Variants in NEK1 observed in about 807,000 individuals in gnomAD.
NEK1 encodes NIMA related kinase 1, also known as serine/threonine-protein kinase Nek1.
In NEK1, 137 loss-of-function variants were observed where a neutral mutation model predicts 182.1. The ratio of observed to expected loss-of-function variants is 0.75; its 90% confidence interval spans 0.65 to 0.87. The LOEUF is 0.87. NEK1 is among the 40% of genes least tolerant of loss of function. NEK1 has a pLI of 0.00. For synonymous variants in NEK1, 513 were observed against 492.2 expected (o/e 1.04, Z -0.56); for missense variants, 1,391 against 1,494.4 (o/e 0.93, Z 1.14).
chr4:169,507,315 T>C (rs1201368255), intron 22 of NEK1, among the ~76,000 whole-genome samples, 183 bp from the exon 23 acceptor site: 1 of 151,242 alleles, frequency 6.6e-6, no homozygotes, highest in African/African-American at 2.4e-5. Flanking sequence ...AGCCTTGACA[T>C]ACAGCAGGTG....
chr4:169,587,549 T>C lies in NEK1; in HGVS notation c.606+10A>G, dbSNP rs945839490. On this transcript the variant is annotated intron_variant, in intron 9 of 35. Transcript: ENST00000507142. ...ATAACTTTGAAAGTATTTCAGAAAC[T>C]TCTACTTACAGCATGTTTAAGTGTA... is the stretch of plus-strand genomic sequence containing the variant. The C allele has an allele frequency of 2.5e-5, 36 of 1,440,390 alleles. No individual in the cohort carries two copies. The highest frequency in any genetic ancestry group is 3.3e-5 in the Non-Finnish European group (35 of 1,068,282). 89.2% of individuals were successfully genotyped at this position (1,440,390 alleles called of 1,614,324 possible). A position where few individuals can be genotyped will look rare whatever the true frequency, so the allele number is the denominator to read the frequency against.
At chr4:169,566,147 T>A (rs541240396) in intron 12 of NEK1, among the ~76,000 whole-genome samples, 12 of 152,242 alleles carry the variant, frequency 7.9e-5, no homozygotes, top group South Asian at 2.1e-4. Context: ...TTTAAAAACA[T>A]TAATACAGCA....
intron 23 of NEK1, among the ~76,000 whole-genome samples, chr4:169,483,268 C>A (rs1748428684): frequency 6.6e-6 from 1 of 151,980 alleles, no homozygotes; most frequent in African/African-American, 2.4e-5. Context: ...GTCTGTGGTG[C>A]CTCAGAACAA....
intron 29 of NEK1, among the ~76,000 whole-genome samples, chr4:169,430,405 G>A (rs1174668587): frequency 1.3e-5 from 2 of 152,108 alleles, no homozygotes; most frequent in African/African-American, 2.4e-5. Context: ...CACTGGTCTC[G>A]AACTCCTGGC....
chr4:169,449,253 CAAT>C (rs1031335290), intron 27 of NEK1, among the ~76,000 whole-genome samples: 22 of 152,116 alleles, frequency 1.4e-4, no homozygotes, highest in African/African-American at 4.1e-4. Context: ...AGGCAGCAGA[CAAT>C]TTCTGCAGAC....
Position 169,406,741 on chromosome 4 carries a change from T to C in NEK1, c.3229A>G (p.Arg1077Gly). The C allele has an allele frequency of 6.4e-7, 1 of 1,573,450 alleles. No individual in the cohort carries two copies. Among genetic ancestry groups the C allele is most frequent in the South Asian group, 1.3e-5 (1 of 79,990 alleles). ...LFDANNPKML[R>G]TCSLPDLSKL... ...GAGAGATCTGGAAGTGAACATGTCC[T>C]TAACATCTAAAATAAAAATCAACAA... The change falls in exon 32 of 36, where the codon AGG (arginine) becomes GGG (glycine). Residue 1077 changes from arginine to glycine, a missense_variant. By Grantham distance (125) the Arg-to-Gly change is moderately radical (BLOSUM62 -2). Coordinates refer to ENST00000507142, the MANE Select transcript of NEK1 (RefSeq NM_001199397.3).
chr4:169,446,512 C>T (rs1310263641), intron 27 of NEK1, among the ~76,000 whole-genome samples: 1 of 152,076 alleles, frequency 6.6e-6, no homozygotes, highest in Non-Finnish European at 1.5e-5. Flanking sequence ...CCGATGAACA[C>T]CCATAACATC....
chr4:169,562,277 A>G (rs1266066130), intron 12 of NEK1, 81 bp from the exon 13 acceptor site: 22 of 978,080 alleles, frequency 2.2e-5, no homozygotes, highest in Non-Finnish European at 3.2e-5. Context: ...GAAATTTAAG[A>G]TAAGAAAAAG....
chr4:169,452,293 A>G (rs941831958), intron 27 of NEK1, among the ~76,000 whole-genome samples: 19 of 152,214 alleles, frequency 1.2e-4, no homozygotes, highest in Non-Finnish European at 1.5e-4. Flanking sequence ...ATAGAAAAAG[A>G]GGGAATCCTC....
rs953992035 is a variant in NEK1 at position 169,515,497 on chromosome 4, CTTCTTTTT to C, written c.1666-6653_1666-6646del. 3.4e-3 allele frequency among the ~76,000 whole-genome samples: 450 copies of C among 131,376 alleles called. 1 individual carries two copies. Among genetic ancestry groups the C allele is most frequent in the African/African-American group, 0.013 (419 of 31,738 alleles). 86.2% of individuals were successfully genotyped at this position (131,376 alleles called of 152,430 possible). A position where few individuals can be genotyped will look rare whatever the true frequency, so the allele number is the denominator to read the frequency against. On this transcript the variant is annotated intron_variant, in intron 19 of 35. Transcript: ENST00000507142. ...GTATACATATTTAGGATTGCAATAA[CTTCTTTTT>C]TTTTTTTTTATTATACTCTAAGTTT... is the stretch of plus-strand genomic sequence containing the variant.
intron 19 of NEK1, among the ~76,000 whole-genome samples, chr4:169,533,793 T>C (rs750525666): frequency 6.6e-6 from 1 of 152,234 alleles, no homozygotes; most frequent in South Asian, 2.1e-4. Context: ...ATCAGTCTAA[T>C]AGGAGTCCTC....
At chr4:169,459,309 G>A (rs1196607530) in intron 27 of NEK1, among the ~76,000 whole-genome samples, 1 of 152,136 alleles carries the variant, frequency 6.6e-6, no homozygotes, top group Non-Finnish European at 1.5e-5. Flanking sequence ...TATGTTATTA[G>A]GAGATTGCAA....
intron 27 of NEK1, among the ~76,000 whole-genome samples, chr4:169,458,717 A>G (rs1055929969): frequency 6.6e-6 from 1 of 151,480 alleles, no homozygotes; most frequent in Non-Finnish European, 1.5e-5. Flanking sequence ...TGTCCTAGCT[A>G]TTCAGGAAGT....
chr4:169,412,920 G>C (rs984050084), intron 31 of NEK1, among the ~76,000 whole-genome samples: 3 of 151,830 alleles, frequency 2.0e-5, no homozygotes, highest in Non-Finnish European at 2.9e-5. Flanking sequence ...GGAAGAAAGA[G>C]AGGGAAAGAG....
Position 169,433,594 on chromosome 4 carries a change from T to A in NEK1, c.2836A>T (p.Thr946Ser). The part of the protein sequence containing the change: ...GTNKDESLPC[T>S]ITDVWISEEK... ...TCACTAATCCACACATCAGTAATAG[T>A]GCATGGCAAGCTCTCATCTTTGTTT... The change falls in exon 29 of 36, where the codon ACT becomes TCT. Residue 946 changes from threonine (T) to serine (S), a missense_variant. By Grantham distance (58) the Thr-to-Ser change is moderately conservative. Around this residue, in one of 5 missense-constraint regions of NEK1, gnomAD observed 1,216 missense variants for 1,277.6 expected, o/e 0.95. Coordinates refer to ENST00000507142, the MANE Select transcript of NEK1 (RefSeq NM_001199397.3). The A allele has an allele frequency of 6.2e-7, 1 of 1,613,410 alleles. No homozygotes were observed. The highest frequency in any genetic ancestry group is 1.1e-5 in the South Asian group (1 of 91,056).
chr4:169,446,248 G>T (rs192057395), intron 27 of NEK1, among the ~76,000 whole-genome samples: 1 of 151,862 alleles, frequency 6.6e-6, no homozygotes, highest in Admixed American at 6.6e-5. Flanking sequence ...AAAAGTTGGC[G>T]TTTTGAAAAG....
intron 19 of NEK1, among the ~76,000 whole-genome samples, chr4:169,509,666 AT>A (rs1346113868): frequency 2.6e-5 from 4 of 152,120 alleles, no homozygotes; most frequent in African/African-American, 9.7e-5. Context: ...TGATTTTTGC[AT>A]TTAACATTTC....
At position 169,555,846 on chromosome 4, in the gene NEK1, A is replaced by G. The variant is rs750007412; in HGVS notation, c.1436T>C (p.Ile479Thr). The part of the protein sequence containing the change: ...IYGRGLPERG[I>T]LPGVRPGFPY... ...AAATCCTGGACGAACTCCAGGCAGA[A>G]TTCCTCTGTAGATAAATATGCACAG... is the stretch of plus-strand genomic sequence containing the variant. The change falls in exon 18 of 36, where the codon ATT becomes ACT. Residue 479 changes from isoleucine to threonine, a missense_variant. Physicochemically the swap from Ile to Thr is moderately conservative, Grantham distance 89. This residue lies in a region of NEK1 where 1,216 missense variants were observed against 1,277.6 expected (regional missense o/e 0.95). Transcript: ENST00000507142. 3 of 1,613,974 alleles carry G rather than the reference A, an allele frequency of 1.9e-6. No homozygotes were observed. Among genetic ancestry groups the G allele is most frequent in the Non-Finnish European group, 2.5e-6 (3 of 1,179,840 alleles).
intron 30 of NEK1, among the ~76,000 whole-genome samples, 184 bp from the exon 31 acceptor site, chr4:169,424,984 A>G (rs565132713): frequency 4.6e-5 from 7 of 152,208 alleles, no homozygotes; most frequent in African/African-American, 1.2e-4. Context: ...ACAATGTTCT[A>G]TCTTCAGAGA....
Sources: gnomAD v4.1 joint callset for allele counts (sites outside exome capture counted in the v4.1 genomes callset) on GRCh38, gnomAD v4.1.1 for gene constraint, gnomAD v4.1.1 regional missense constraint, MANE v1.5 for transcripts, NCBI Gene and HGNC (gene_info 2026-07-23, HGNC 2026-07-21) for gene names.